TANC2: variants seen among roughly 807,000 people sequenced by gnomAD.
TANC2 encodes protein TANC2.
In TANC2, 26 loss-of-function variants were observed where a neutral mutation model predicts 210.5. The observed-to-expected ratio is 0.12, with a 90% CI of 0.09 to 0.17. The LOEUF (loss-of-function observed/expected upper bound fraction) is 0.17, where lower values mean the gene tolerates loss of function less well. TANC2 is among the 10% of genes least tolerant of loss of function. The probability of loss-of-function intolerance (pLI) is 1.00; values close to 1 mark genes in which losing one functional copy is unlikely to be tolerated. For synonymous variants in TANC2, 931 were observed against 967.1 expected, an observed-to-expected ratio of 0.96 and a Z score of 0.69; for missense variants, 2,129 against 2,608.9, an observed-to-expected ratio of 0.82 and a Z score of 4.01.
At position 63,420,029 on chromosome 17, in the gene TANC2, C is replaced by T. The variant is rs768428394; in HGVS notation, c.4299C>T (p.Asn1433=). The stretch of plus-strand genomic sequence containing the variant: ...TCGCAGCAGCCTTAGAGGACCTGAA[C>T]GAGGCCATCAAGCTGTGTCCCAACA... The change falls in exon 28 of 28, where the codon AAC becomes AAT. Residue 1433 remains asparagine, a synonymous_variant. Transcript: ENST00000689528. The surrounding 1 kb of genome is among the most constrained non-coding windows in gnomAD (Gnocchi z 4.2). 1.7e-5 allele frequency: 26 copies of T among 1,550,458 alleles called. No homozygotes were observed. Among genetic ancestry groups the T allele is most frequent in the Middle Eastern group, 3.3e-4 (2 of 6,010 alleles).
Position 63,397,523 on chromosome 17 carries a change from A to G in TANC2, c.3238-1298A>G, listed in dbSNP as rs755635235. Among the ~76,000 whole-genome samples, 31 of 152,328 alleles carry G rather than the reference A, an allele frequency of 2.0e-4. 1 individual carries two copies. Among genetic ancestry groups the G allele is most frequent in the Middle Eastern group, 3.4e-3 (1 of 294 alleles). ...ACTACTTCTCGTCCACATACGAACT[A>G]TATTCATTGAACTGAATCCTCTTTC... On this transcript the variant is annotated intron_variant, in intron 18 of 27. Transcript: ENST00000689528.
intron 1 of TANC2, among the ~76,000 whole-genome samples, chr17:63,004,047 A>T (rs1399184807): frequency 6.6e-6 from 1 of 152,204 alleles, no homozygotes; most frequent in Non-Finnish European, 1.5e-5. Context: ...TCAGAAAGCC[A>T]CTATAAAACC....
At chr17:63,032,875 C>G (rs1219239624) in intron 2 of TANC2, among the ~76,000 whole-genome samples, 1 of 152,138 alleles carries the variant, frequency 6.6e-6, no homozygotes, top group South Asian at 2.1e-4. Flanking sequence ...AGACGCCCCC[C>G]ACTTAGACAC....
At chr17:63,210,414 T>G (rs999717554) in intron 7 of TANC2, among the ~76,000 whole-genome samples, 2 of 152,102 alleles carry the variant, frequency 1.3e-5, no homozygotes, top group Admixed American at 6.6e-5. Flanking sequence ...TCTCTGGATT[T>G]CCGCACTATC....
chr17:63,085,951 T>G (rs1322007072), intron 3 of TANC2, among the ~76,000 whole-genome samples: 1 of 152,150 alleles, frequency 6.6e-6, no homozygotes, highest in Non-Finnish European at 1.5e-5. Flanking sequence ...CAACAAATTT[T>G]CTGTTTTTGT....
chr17:63,003,558 A>T (rs763505059), intron 1 of TANC2, among the ~76,000 whole-genome samples: 3 of 152,236 alleles, frequency 2.0e-5, no homozygotes, highest in Admixed American at 2.0e-4. Flanking sequence ...GTGAGATTTC[A>T]TCAGGCTACT....
chr17:63,122,218 C>G (rs1359330201), intron 4 of TANC2, among the ~76,000 whole-genome samples: 1 of 152,108 alleles, frequency 6.6e-6, no homozygotes, highest in African/African-American at 2.4e-5. Context: ...AGAAGTCCTA[C>G]AATAAAGGGA....
intron 2 of TANC2, among the ~76,000 whole-genome samples, chr17:63,044,373 T>A (rs991831328): frequency 6.6e-6 from 1 of 152,164 alleles, no homozygotes; most frequent in Non-Finnish European, 1.5e-5. Context: ...TTCCTCTATG[T>A]CATTCTGCAA....
chr17:63,016,107 C>T (rs939581439), intron 2 of TANC2, among the ~76,000 whole-genome samples: 4 of 151,980 alleles, frequency 2.6e-5, no homozygotes, highest in South Asian at 2.1e-4. Flanking sequence ...GAGCAAAGTA[C>T]GTAAAACTTA....
intron 15 of TANC2, among the ~76,000 whole-genome samples, chr17:63,387,786 AT>A (rs1486740462): frequency 6.6e-6 from 1 of 152,240 alleles, no homozygotes; most frequent in Non-Finnish European, 1.5e-5. Context: ...AAGGACAAAT[AT>A]TAGTACATGT....
At chr17:63,156,058 T>C (rs1307620331) in intron 5 of TANC2, among the ~76,000 whole-genome samples, 2 of 152,192 alleles carry the variant, frequency 1.3e-5, no homozygotes, top group African/African-American at 4.8e-5. Flanking sequence ...ATGTTATCTT[T>C]ATCCTAAATA....
chr17:63,412,150 T>C lies in TANC2; in HGVS notation c.3898+20T>C, dbSNP rs1485259118. ...AGATAGGTAGGAGAAGGGAAGAGGA[T>C]GTTGGCCATCTGTGCCCAGGGGCCA... On this transcript the variant is annotated intron_variant, in intron 23 of 27. Coordinates refer to ENST00000689528, the Ensembl canonical transcript of TANC2. The surrounding 1 kb of genome is among the most constrained non-coding windows in gnomAD (Gnocchi z 4.2). 1.2e-6 allele frequency: 2 copies of C among 1,613,862 alleles called. No individual in the cohort carries two copies. The highest frequency in any genetic ancestry group is 2.2e-5 in the South Asian group (2 of 91,072).
intron 4 of TANC2, among the ~76,000 whole-genome samples, chr17:63,102,632 C>T (rs1392868633): frequency 1.3e-5 from 2 of 151,292 alleles, no homozygotes; most frequent in Non-Finnish European, 2.9e-5. Flanking sequence ...TCCTCCCTCC[C>T]CCCACCTCTG....
chr17:63,271,491 C>G (rs1348893126), intron 9 of TANC2, among the ~76,000 whole-genome samples: 1 of 148,542 alleles, frequency 6.7e-6, no homozygotes, highest in Non-Finnish European at 1.5e-5. Flanking sequence ...GCAGAACATG[C>G]AGGTTTGTTA....
intron 17 of TANC2, chr17:63,391,400 G>C (rs1433807318): frequency 2.0e-5 from 3 of 152,166 alleles, no homozygotes; most frequent in Admixed American, 6.5e-5. Flanking sequence ...GTTAAATCCT[G>C]TGTCCATACT....
intron 11 of TANC2, among the ~76,000 whole-genome samples, chr17:63,329,104 A>C (rs1416059029): frequency 6.6e-6 from 1 of 152,198 alleles, no homozygotes; most frequent in Non-Finnish European, 1.5e-5. Flanking sequence ...AAATTTACAC[A>C]GTGCCACTTT....
intron 7 of TANC2, among the ~76,000 whole-genome samples, chr17:63,210,805 C>A (rs919641316): frequency 6.6e-6 from 1 of 152,226 alleles, no homozygotes; most frequent in African/African-American, 2.4e-5. Context: ...TCAATTTTAA[C>A]TACTGTTTCT....
chr17:63,101,968 G>A (rs2037638942), intron 4 of TANC2, among the ~76,000 whole-genome samples: 1 of 152,134 alleles, frequency 6.6e-6, no homozygotes, highest in Non-Finnish European at 1.5e-5. Flanking sequence ...GAAGGCAAGT[G>A]TGGCCTGAGC....
At chr17:63,356,216 A>C (rs1454792511) in intron 14 of TANC2, among the ~76,000 whole-genome samples, 1 of 152,168 alleles carries the variant, frequency 6.6e-6, no homozygotes, top group East Asian at 1.9e-4. Flanking sequence ...TTTTTATTGC[A>C]TGAAACCTAG....
Sources: gnomAD v4.1 joint callset for allele counts (sites outside exome capture counted in the v4.1 genomes callset) on GRCh38, gnomAD v4.1.1 for gene constraint, Gnocchi (gnomAD v3.1) non-coding constraint, MANE v1.5 for transcripts, NCBI Gene and HGNC (gene_info 2026-07-23, HGNC 2026-07-21) for gene names.